Variants in LAMC3 observed in about 807,000 individuals in gnomAD.
The protein encoded by LAMC3 is laminin subunit gamma 3, also known as laminin subunit gamma-3.
Under a neutral mutation model 173.8 loss-of-function variants are expected in LAMC3, and 128 were observed. The ratio of observed to expected loss-of-function variants is 0.74; its 90% CI spans 0.64 to 0.85. The LOEUF (loss-of-function observed/expected upper bound fraction) is 0.85. Among genes scored for constraint, LAMC3 ranks in the 40% least tolerant of loss-of-function variants. LAMC3 has a pLI of 0.00. For synonymous variants in LAMC3, 897 were observed against 909.1 expected, an observed-to-expected ratio of 0.99 and a Z score of 0.24; for missense variants, 2,022 against 2,156.0, an observed-to-expected ratio of 0.94 and a Z score of 1.23.
In LAMC3 at chr9:131,039,127, C is replaced by T; in HGVS notation, c.1166-4C>T. 6.2e-7 allele frequency: 1 copy of T among 1,611,574 alleles called. No individual in the cohort carries two copies. Among genetic ancestry groups the T allele is most frequent in the East Asian group, 2.2e-5 (1 of 44,868 alleles). On this transcript the variant is annotated splice_polypyrimidine_tract_variant and splice_region_variant and intron_variant, in intron 5 of 27. Transcript: ENST00000361069. ...TCAATTGCCCTGTGCCCTTCCTCTCCCAGGCTCCCTACACCTCCAGTGCGA... is the reference window on the plus strand; with the variant it reads ...TCAATTGCCCTGTGCCCTTCCTCTCTCAGGCTCCCTACACCTCCAGTGCGA...
At chr9:131,050,473 A>C (rs1277213750) in intron 9 of LAMC3, among the ~76,000 whole-genome samples, 1 of 152,200 alleles carries the variant, frequency 6.6e-6, no homozygotes, top group Non-Finnish European at 1.5e-5. Context: ...GAGGGAAGAT[A>C]AGTATTTAGG....
chr9:131,080,897 A>G (rs1830226721), intron 23 of LAMC3, among the ~76,000 whole-genome samples: 1 of 152,140 alleles, frequency 6.6e-6, no homozygotes, highest in East Asian at 1.9e-4. Flanking sequence ...TCAAACTACT[A>G]TTTATTTATT....
intron 7 of LAMC3, among the ~76,000 whole-genome samples, chr9:131,044,612 A>C (rs1834116004): frequency 6.6e-6 from 1 of 152,214 alleles, no homozygotes; most frequent in African/African-American, 2.4e-5. Flanking sequence ...ACTGGTAGAC[A>C]GCACAGGTGA....
Position 131,037,960 on chromosome 9 carries a change from A to G in LAMC3, c.977-904A>G, listed in dbSNP as rs576143985. Among the ~76,000 whole-genome samples, 65 of 151,978 alleles carry G rather than the reference A, an allele frequency of 4.3e-4. 1 individual carries two copies. The South Asian group carries it at 6.0e-3, about 14-fold the overall frequency. On this transcript the variant is annotated intron_variant, in intron 4 of 27. Transcript: ENST00000361069. ...ACTGCCCCTGCACTGCAGGCCCCCC[A>G]CTGCACAAAGTCCTTCCTTCCCTGC...
intron 12 of LAMC3, among the ~76,000 whole-genome samples, chr9:131,057,416 GGCC>G (rs1829704511): frequency 6.6e-6 from 1 of 152,222 alleles, no homozygotes; most frequent in East Asian, 1.9e-4. Context: ...CTGCTCTGTG[GGCC>G]ATCTGTCCGC....
chr9:131,034,939 A>ATTATTTATTTAT lies in LAMC3; in HGVS notation c.810-1212_810-1201dup, dbSNP rs61062373. On this transcript the variant is annotated intron_variant, in intron 3 of 27. Transcript: ENST00000361069. ...TGTACTGCTGTAAACACCTGAGATGATTATTTATTTATTTATTTATTTATT... is the reference window on the plus strand; with the variant it reads ...TGTACTGCTGTAAACACCTGAGATGATTATTTATTTATTTATTTATTTATTTATTTATTTATT... Among the ~76,000 whole-genome samples, 1,417 of 150,560 alleles carry ATTATTTATTTAT rather than the reference A, an allele frequency of 9.4e-3. 28 individuals are homozygous for ATTATTTATTTAT. Among genetic ancestry groups the ATTATTTATTTAT allele is most frequent in the African/African-American group, 0.033 (1,347 of 40,910 alleles).
At chr9:131,045,489 G>A (rs1383076550) in intron 7 of LAMC3, 35 bp from the exon 8 acceptor site, 1 of 1,611,962 alleles carries the variant, frequency 6.2e-7, no homozygotes, top group Non-Finnish European at 8.5e-7. Flanking sequence ...GCTGATTCAC[G>A]TGGCCCTCGT....
chr9:131,053,112 CA>C lies in LAMC3; in HGVS notation c.1939+148del, dbSNP rs553206598. 502 of 722,096 alleles carry C rather than the reference CA, an allele frequency of 7.0e-4. 9 individuals carry two copies. The South Asian group carries it at 7.3e-3, about 10-fold the overall frequency. 44.7% of individuals were successfully genotyped at this position (722,096 alleles called of 1,614,324 possible). A position where few individuals can be genotyped will look rare whatever the true frequency, so the allele number is the denominator to read the frequency against. Reference sequence around the variant, plus strand: ...CCAAGAAGGAACCTTAGTCAAAAGTCAGGACAGTTGCCAGAGGCCATATAAC... The same window carrying C: ...CCAAGAAGGAACCTTAGTCAAAAGTCGGACAGTTGCCAGAGGCCATATAAC... On this transcript the variant is annotated intron_variant, in intron 11 of 27. Coordinates refer to ENST00000361069, the MANE Select transcript of LAMC3 (RefSeq NM_006059.4).
intron 7 of LAMC3, 81 bp from the exon 8 acceptor site, chr9:131,045,443 G>T: frequency 6.6e-7 from 1 of 1,511,778 alleles, no homozygotes. Flanking sequence ...GACTCTCATT[G>T]GTCCAGCTGG....
rs188130831 is a variant in LAMC3 at position 131,019,588 on chromosome 9, C to T, written c.374-6697C>T. Among the ~76,000 whole-genome samples the T allele has an allele frequency of 2.2e-4, 34 of 152,324 alleles. No individual in the cohort carries two copies. The South Asian group carries it at 6.6e-3, about 30-fold the overall frequency. ...TTTAGTGAGCACCTGCTATGTGCCA[C>T]GTGCTTTGCCAAGTACTTTACTCAC... is the stretch of plus-strand genomic sequence containing the variant. On this transcript the variant is annotated intron_variant, in intron 1 of 27. Coordinates refer to ENST00000361069, the MANE Select transcript of LAMC3 (RefSeq NM_006059.4).
At position 131,009,524 on chromosome 9, in the gene LAMC3, C is replaced by T; in HGVS notation, c.310C>T (p.Gln104Ter). 6.4e-7 allele frequency: 1 copy of T among 1,559,416 alleles called. No individual in the cohort carries two copies. The highest frequency in any genetic ancestry group is 8.7e-7 in the Non-Finnish European group (1 of 1,152,176). Reference sequence around the variant, plus strand: ...CAGCCAGGACGAGAGCACCTGGTGGCAGAGCCCGTCCATGGCCTTCGGCGT... The same window carrying T: ...CAGCCAGGACGAGAGCACCTGGTGGTAGAGCCCGTCCATGGCCTTCGGCGT... ...FHSQDESTWW[Q>*]SPSMAFGVQY... is the part of the protein sequence containing the mutation. Residue 104 changes from glutamine (Q) to a stop codon, truncating the protein, a stop_gained, in exon 1 of 28, where the codon CAG becomes TAG. Transcript: ENST00000361069. LOFTEE classifies it high-confidence loss of function. The surrounding 1 kb of genome is among the most constrained non-coding windows in gnomAD (Gnocchi z 4.3).
At chr9:131,082,461 C>T (rs556686834) in intron 24 of LAMC3, among the ~76,000 whole-genome samples, 1 of 152,306 alleles carries the variant, frequency 6.6e-6, no homozygotes, top group East Asian at 1.9e-4. Flanking sequence ...AGGTCAAGTC[C>T]ACTCTGGCCT....
chr9:131,060,208 G>A (rs1411864259), intron 12 of LAMC3, among the ~76,000 whole-genome samples: 1 of 152,198 alleles, frequency 6.6e-6, no homozygotes, highest in Non-Finnish European at 1.5e-5. Context: ...GCAAAGTCAT[G>A]TGAAGGCCAG....
chr9:131,076,632 G>A (rs568891981), intron 21 of LAMC3, among the ~76,000 whole-genome samples: 35 of 152,276 alleles, frequency 2.3e-4, no homozygotes, highest in East Asian at 9.7e-4. Context: ...TGCCCTTGTC[G>A]AGGAAGAATG....
rs551656146 is a variant in LAMC3, at chr9:131,085,429, T to G, written c.4031-95T>G. ...CAGACCTCCACTCGTTGTCCAAGGG[T>G]CTGTGGTCAGCCAGGCAGCTCTGCC... On this transcript the variant is annotated intron_variant, in intron 24 of 27. Coordinates refer to ENST00000361069, the MANE Select transcript of LAMC3 (RefSeq NM_006059.4). 23 of 1,242,108 alleles carry G rather than the reference T, an allele frequency of 1.9e-5. No individual in the cohort carries two copies. In the East Asian group the frequency reaches 5.3e-4, roughly 29 times the overall value. 76.9% of individuals were successfully genotyped at this position (1,242,108 alleles called of 1,614,324 possible).
intron 11 of LAMC3, among the ~76,000 whole-genome samples, chr9:131,053,301 C>T (rs901186629): frequency 3.3e-5 from 5 of 152,168 alleles, no homozygotes; most frequent in African/African-American, 4.8e-5. Flanking sequence ...CCCCTGTCCC[C>T]GCTGGACACA....
intron 13 of LAMC3, among the ~76,000 whole-genome samples, chr9:131,066,492 CAAT>C (rs112841264): frequency 0.11 from 16,030 of 149,678 alleles, 2,804 homozygotes; most frequent in African/African-American, 0.36. Flanking sequence ...GACTCCATCT[CAAT>C]AATAATAATA....
intron 3 of LAMC3, among the ~76,000 whole-genome samples, chr9:131,032,698 C>T (rs919009583): frequency 4.6e-5 from 7 of 152,036 alleles, no homozygotes; most frequent in South Asian, 4.1e-4. Context: ...GAAGGAGTTT[C>T]GCTCTTGTTG....
At chr9:131,018,943 G>A (rs1833579850) in intron 1 of LAMC3, among the ~76,000 whole-genome samples, 1 of 152,122 alleles carries the variant, frequency 6.6e-6, no homozygotes, top group South Asian at 2.1e-4. Context: ...AGCCTCCCTG[G>A]GCTACTTTGT....
Sources: allele counts gnomAD v4.1 joint callset (sites outside exome capture counted in the v4.1 genomes callset), GRCh38; gene constraint gnomAD v4.1.1; non-coding constraint Gnocchi (gnomAD v3.1); transcripts MANE v1.5; gene names NCBI Gene and HGNC (gene_info 2026-07-23, HGNC 2026-07-21).